Variants in FRMD4A observed in about 807,000 individuals in gnomAD.
FRMD4A encodes FERM domain containing 4A.
A neutral mutation model predicts 129.1 loss-of-function variants in FRMD4A; 29 were observed. That is an observed-to-expected ratio of 0.22 (90% CI 0.17 to 0.31). The LOEUF is 0.31. Ranked by LOEUF, FRMD4A falls within the 10% of genes least tolerant of loss-of-function variation. FRMD4A has a pLI of 1.00. For synonymous variants in FRMD4A, 634 were observed against 571.6 expected (o/e 1.11, Z -1.56); for missense variants, 1,272 against 1,375.8 (o/e 0.92, Z 1.19).
At chr10:14,046,803 T>C (rs1834008721) in intron 2 of FRMD4A, among the ~76,000 whole-genome samples, 1 of 152,206 alleles carries the variant, frequency 6.6e-6, no homozygotes. Context: ...AATGGTTTTG[T>C]GGCTGCTCTG....
At chr10:13,955,439 G>C (rs1260510297) in intron 2 of FRMD4A, among the ~76,000 whole-genome samples, 2 of 152,158 alleles carry the variant, frequency 1.3e-5, no homozygotes, top group East Asian at 1.9e-4. Flanking sequence ...TTTGATGATG[G>C]GTGATCCATC....
intron 3 of FRMD4A, among the ~76,000 whole-genome samples, chr10:13,820,912 G>T (rs554329538): frequency 6.6e-6 from 1 of 152,226 alleles, no homozygotes; most frequent in East Asian, 1.9e-4. Context: ...AACGTGGCCC[G>T]TCTGCCCCCA....
At chr10:14,048,122 G>A (rs1292665671) in intron 2 of FRMD4A, among the ~76,000 whole-genome samples, 2 of 152,168 alleles carry the variant, frequency 1.3e-5, no homozygotes, top group South Asian at 2.1e-4. Flanking sequence ...AAATAAAGGC[G>A]GTTGCTCTGA....
intron 2 of FRMD4A, among the ~76,000 whole-genome samples, chr10:14,093,551 A>G (rs909897173): frequency 6.6e-6 from 1 of 152,180 alleles, no homozygotes; most frequent in African/African-American, 2.4e-5. Context: ...CAATGCTCAC[A>G]CCCACTCATA....
At chr10:14,200,414 C>T (rs1032309374) in intron 2 of FRMD4A, among the ~76,000 whole-genome samples, 7 of 138,986 alleles carry the variant, frequency 5.0e-5, no homozygotes, top group African/African-American at 1.7e-4. Flanking sequence ...CCACCTCTGT[C>T]TCCAGAGTAG....
chr10:13,957,551 A>G (rs1421652456), intron 2 of FRMD4A, among the ~76,000 whole-genome samples: 2 of 152,182 alleles, frequency 1.3e-5, no homozygotes, highest in Non-Finnish European at 2.9e-5. Context: ...CACCACGCTC[A>G]GCCATACCCC....
intron 2 of FRMD4A, among the ~76,000 whole-genome samples, chr10:13,883,400 G>A (rs2094569616): frequency 6.6e-6 from 1 of 152,104 alleles, no homozygotes; most frequent in Admixed American, 6.6e-5. Flanking sequence ...GCTAAGGCAG[G>A]ATAACTTCTT....
chr10:14,143,763 C>T (rs1302724476), intron 2 of FRMD4A, among the ~76,000 whole-genome samples: 3 of 151,898 alleles, frequency 2.0e-5, no homozygotes, highest in African/African-American at 7.3e-5. Flanking sequence ...TACAGGTACC[C>T]ACCATCATGC....
At position 13,924,471 on chromosome 10, in the gene FRMD4A, C is replaced by T. The variant is rs117514097; in HGVS notation, c.46-65559G>A. Among the ~76,000 whole-genome samples, 299 of 152,038 alleles carry T rather than the reference C, an allele frequency of 2.0e-3. 2 individuals are homozygous for T. Among genetic ancestry groups the T allele is most frequent in the Middle Eastern group, 0.017 (5 of 292 alleles). Reference sequence around the variant, plus strand: ...CCCACCTCTAGGCCACCACACTTACCGTTCCCTCTGCCTGGGACTCTCTTC... The same window carrying T: ...CCCACCTCTAGGCCACCACACTTACTGTTCCCTCTGCCTGGGACTCTCTTC... On this transcript the variant is annotated intron_variant, in intron 2 of 24. Transcript: ENST00000357447.
At chr10:13,797,577 C>T (rs755475232) in intron 4 of FRMD4A, among the ~76,000 whole-genome samples, 2 of 152,140 alleles carry the variant, frequency 1.3e-5, no homozygotes, top group African/African-American at 4.8e-5. Flanking sequence ...GGGGCAAAGC[C>T]ATGGAACAAC....
chr10:13,904,754 A>G (rs561234321), intron 2 of FRMD4A, among the ~76,000 whole-genome samples: 7 of 152,290 alleles, frequency 4.6e-5, no homozygotes, highest in Admixed American at 4.6e-4. Context: ...GCACTTTGGA[A>G]AGCCAAGGCA....
chr10:13,679,474 T>TATATACACACACACACAC (rs1308155926), intron 15 of FRMD4A, among the ~76,000 whole-genome samples: 73 of 31,480 alleles, frequency 2.3e-3, no homozygotes, highest in Middle Eastern at 0.031. Context: ...TATATATATA[T>TATATACACACACACACAC]ACACACACAC....
chr10:13,810,946 A>G, intron 3 of FRMD4A, 38 bp from the exon 4 acceptor site: 2 of 1,031,556 alleles, frequency 1.9e-6, no homozygotes, highest in South Asian at 2.7e-5. Context: ...GTAAGTGATG[A>G]GAGACTGCTT....
chr10:13,829,527 G>C (rs1309890904), intron 3 of FRMD4A, among the ~76,000 whole-genome samples: 1 of 152,160 alleles, frequency 6.6e-6, no homozygotes, highest in Admixed American at 6.5e-5. Flanking sequence ...GTTCCCTTGA[G>C]TTCTGTTCCC....
intron 2 of FRMD4A, among the ~76,000 whole-genome samples, chr10:14,120,045 A>C (rs1838414368): frequency 6.7e-6 from 1 of 148,548 alleles, no homozygotes; most frequent in South Asian, 2.1e-4. Flanking sequence ...GATGACAGGT[A>C]AGTGTGTGGA....
intron 2 of FRMD4A, among the ~76,000 whole-genome samples, chr10:14,166,925 C>A (rs1841211760): frequency 6.6e-6 from 1 of 152,068 alleles, no homozygotes; most frequent in African/African-American, 2.4e-5. Flanking sequence ...TGTATGAAGG[C>A]CCTATATTTC....
intron 2 of FRMD4A, among the ~76,000 whole-genome samples, chr10:14,024,635 A>G (rs1269393155): frequency 6.6e-6 from 1 of 152,236 alleles, no homozygotes; most frequent in Admixed American, 6.5e-5. Flanking sequence ...AACAAACACC[A>G]AACTCTAATA....
intron 2 of FRMD4A, among the ~76,000 whole-genome samples, chr10:13,980,007 G>A (rs922554617): frequency 6.6e-6 from 1 of 152,136 alleles, no homozygotes; most frequent in African/African-American, 2.4e-5. Context: ...CACTCACCAC[G>A]GCATTCACAA....
chr10:13,887,392 G>A (rs1196334688), intron 2 of FRMD4A, among the ~76,000 whole-genome samples: 2 of 152,162 alleles, frequency 1.3e-5, no homozygotes, highest in East Asian at 3.9e-4. Flanking sequence ...ATACAGTTAA[G>A]AACTGAGGCC....
Sources: allele counts gnomAD v4.1 joint callset (sites outside exome capture counted in the v4.1 genomes callset), GRCh38; gene constraint gnomAD v4.1.1; transcripts MANE v1.5; gene names NCBI Gene and HGNC (gene_info 2026-07-23, HGNC 2026-07-21).